The following THOC3 variants were observed in gnomAD, a reference collection of about 807,000 sequenced individuals.
THOC3 encodes TEX1 homolog.
Under a neutral mutation model 23.3 loss-of-function variants are expected in THOC3, and 4 were observed. The ratio of observed to expected loss-of-function variants is 0.17; its 90% confidence interval spans 0.08 to 0.39. THOC3 has a LOEUF of 0.39. Ranked by LOEUF, THOC3 falls within the 10% of genes least tolerant of loss-of-function variation. The pLI, the probability that THOC3 is intolerant of heterozygous loss-of-function variation, is 1.00. For synonymous variants in THOC3, 27 were observed against 141.5 expected, an observed-to-expected ratio of 0.19 and a Z score of 5.74; for missense variants, 64 against 359.4, an observed-to-expected ratio of 0.18 and a Z score of 6.65.
intron 2 of THOC3, among the ~76,000 whole-genome samples, chr5:175,965,558 G>A (rs1279391560): frequency 6.6e-6 from 1 of 152,238 alleles, no homozygotes; most frequent in Non-Finnish European, 1.5e-5. Context: ...CCGAGTAGCT[G>A]GGACTACAGG....
At chr5:175,960,868 G>C in intron 5 of THOC3, 183 bp downstream of exon 5, 1 of 635,382 alleles carries the variant, frequency 1.6e-6, no homozygotes. Flanking sequence ...AGACCTGCCT[G>C]TTTATTTCTT....
At chr5:175,964,323 G>C (rs1318540339) in intron 3 of THOC3, among the ~76,000 whole-genome samples, 1 of 152,242 alleles carries the variant, frequency 6.6e-6, no homozygotes, top group African/African-American at 2.4e-5. Context: ...GGGGTAGCGG[G>C]GGAGCTTCCC....
chr5:175,964,031 C>T (rs1207862991), intron 3 of THOC3, among the ~76,000 whole-genome samples: 2 of 152,298 alleles, frequency 1.3e-5, no homozygotes, highest in East Asian at 3.8e-4. Context: ...TTGCATTGTT[C>T]ACCTGGGATA....
At chr5:175,963,217 T>C (rs1190037921) in intron 3 of THOC3, among the ~76,000 whole-genome samples, 1 of 152,222 alleles carries the variant, frequency 6.6e-6, no homozygotes, top group Admixed American at 6.5e-5. Context: ...AGAAGCAGCA[T>C]CTCTTTACAC....
chr5:175,966,515 C>G (rs1195828931), intron 2 of THOC3, among the ~76,000 whole-genome samples: 1 of 146,946 alleles, frequency 6.8e-6, no homozygotes, highest in East Asian at 2.0e-4. Flanking sequence ...TATCAGAAAG[C>G]ATTTCAAAAT....
At chr5:175,962,682 G>A (rs1012927901) in intron 3 of THOC3, among the ~76,000 whole-genome samples, 10 of 142,838 alleles carry the variant, frequency 7.0e-5, no homozygotes, top group South Asian at 2.3e-4. Flanking sequence ...GCGTCACCAC[G>A]CCCAGATAAT....
At chr5:175,965,647 G>C (rs867186557) in intron 2 of THOC3, among the ~76,000 whole-genome samples, 16 of 152,146 alleles carry the variant, frequency 1.1e-4, no homozygotes, top group Non-Finnish European at 2.1e-4. Context: ...GGATGGTCTC[G>C]ATCTCCTGAC....
chr5:175,960,368 T>C (rs982530336), intron 5 of THOC3: 44 of 238,346 alleles, frequency 1.8e-4, no homozygotes, highest in Middle Eastern at 1.8e-3. Context: ...AGCAGGAAAG[T>C]GTCTCCGCGT....
chr5:175,962,580 A>C (rs1330894518), intron 3 of THOC3, among the ~76,000 whole-genome samples: 1 of 144,836 alleles, frequency 6.9e-6, no homozygotes, highest in Non-Finnish European at 1.5e-5. Flanking sequence ...GCTGGAGTGC[A>C]GTGGTGCAAT....
intron 2 of THOC3, among the ~76,000 whole-genome samples, chr5:175,965,549 C>T (rs1357877778): frequency 1.3e-5 from 2 of 152,262 alleles, no homozygotes; most frequent in Admixed American, 6.5e-5. Context: ...CTCAGCCTCC[C>T]GAGTAGCTGG....
intron 2 of THOC3, among the ~76,000 whole-genome samples, chr5:175,965,510 C>T (rs1756748186): frequency 6.6e-6 from 1 of 152,256 alleles, no homozygotes; most frequent in South Asian, 2.1e-4. Flanking sequence ...CTGCAAGCTC[C>T]ACCTCCTGGG....
At chr5:175,964,491 C>T (rs1307632162) in intron 3 of THOC3, among the ~76,000 whole-genome samples, 1 of 152,194 alleles carries the variant, frequency 6.6e-6, no homozygotes, top group African/African-American at 2.4e-5. Context: ...GTGGCACATG[C>T]CTCTAATCCC....
rs1206883955 is a variant in THOC3 at position 175,965,677 on chromosome 5, G to A, written c.425-522C>T. Among the ~76,000 whole-genome samples the A allele has an allele frequency of 8.5e-5, 13 of 152,282 alleles. No individual in the cohort carries two copies. The East Asian group carries it at 1.4e-3, about 16-fold the overall frequency. ...CCTGACCTCGTGATCCGCCCGCCTC[G>A]GCCTCCCAAAGTGCTGGGATTACAG... On this transcript the variant is annotated intron_variant, in intron 2 of 5. Coordinates refer to ENST00000265097, the MANE Select transcript of THOC3 (RefSeq NM_032361.4).
At chr5:175,965,494 G>A (rs1444809074) in intron 2 of THOC3, among the ~76,000 whole-genome samples, 5 of 152,346 alleles carry the variant, frequency 3.3e-5, no homozygotes, top group African/African-American at 1.2e-4. Context: ...GCGCAATCTC[G>A]GCTCACTGCA....
Position 175,967,978 on chromosome 5 carries a change from C to T in THOC3, c.231G>A (p.Lys77=). The part of the protein sequence containing the change: ...GRRLASGSFD[K]TASVFLLEKD... ...TCTCCAGCAAGAAGACGCTGGCCGT[C>T]TTGTCGAAGGACCCCGAGGCTAGGC... The change falls in exon 1 of 6, where the codon AAG becomes AAA. Residue 77 remains lysine (K), a synonymous_variant. Coordinates refer to ENST00000265097, the MANE Select transcript of THOC3 (RefSeq NM_032361.4). 1 of 1,600,122 alleles carries T rather than the reference C, an allele frequency of 6.2e-7. No individual in the cohort carries two copies. Among genetic ancestry groups the T allele is most frequent in the Non-Finnish European group, 8.5e-7 (1 of 1,174,556 alleles).
At chr5:175,962,592 T>A (rs1276174833) in intron 3 of THOC3, among the ~76,000 whole-genome samples, 1 of 147,778 alleles carries the variant, frequency 6.8e-6, no homozygotes, top group Non-Finnish European at 1.5e-5. Flanking sequence ...TGGTGCAATC[T>A]AAACTTACTA....
In THOC3 at chr5:175,968,058, A is replaced by T; in HGVS notation, c.151T>A (p.Phe51Ile). 1 of 1,611,626 alleles carries T rather than the reference A, an allele frequency of 6.2e-7. No individual in the cohort carries two copies. The highest frequency in any genetic ancestry group is 1.3e-5 in the African/African-American group (1 of 75,030). ...LFRGHSKTRE[F>I]LAHSAKVHSV... Reference sequence around the variant, plus strand: ...TGCACCTTGGCGCTGTGCGCCAGGAACTCGCGCGTCTTGCTGTGGCCCCGG... The same window carrying T: ...TGCACCTTGGCGCTGTGCGCCAGGATCTCGCGCGTCTTGCTGTGGCCCCGG... The change falls in exon 1 of 6, where the codon TTC (phenylalanine) becomes ATC (isoleucine). Residue 51 changes from phenylalanine to isoleucine, a missense_variant. By Grantham distance (21) the Phe-to-Ile change is conservative. Coordinates refer to ENST00000265097, the MANE Select transcript of THOC3 (RefSeq NM_032361.4).
rs1304084757 is a variant in THOC3, at chr5:175,968,292, G to T, written c.-84C>A. Reference sequence around the variant, plus strand: ...CCTGGCGCCGCTGCCGCACGCATGCGCCCGGAAGAGCGACGGCCCCTCTGC... The same window carrying T: ...CCTGGCGCCGCTGCCGCACGCATGCTCCCGGAAGAGCGACGGCCCCTCTGC... On this transcript the variant is annotated 5_prime_UTR_variant, in exon 1 of 6. Transcript: ENST00000265097. 1.3e-6 allele frequency: 2 copies of T among 1,533,220 alleles called. No homozygotes were observed. Among genetic ancestry groups the T allele is most frequent in the East Asian group, 2.4e-5 (1 of 40,948 alleles). 95.0% of individuals were successfully genotyped at this position (1,533,220 alleles called of 1,614,324 possible). A position where few individuals can be genotyped will look rare whatever the true frequency, so the allele number is the denominator to read the frequency against.
At chr5:175,964,542 G>A (rs538820042) in intron 3 of THOC3, among the ~76,000 whole-genome samples, 14 of 151,508 alleles carry the variant, frequency 9.2e-5, no homozygotes, top group African/African-American at 2.9e-4. Flanking sequence ...GCTTAACCTC[G>A]GAGGCAGAGG....
Sources: allele counts gnomAD v4.1 joint callset (sites outside exome capture counted in the v4.1 genomes callset), GRCh38; gene constraint gnomAD v4.1.1; transcripts MANE v1.5; gene names NCBI Gene and HGNC (gene_info 2026-07-23, HGNC 2026-07-21).